The following PIN4 variants were observed in gnomAD, a reference collection of about 807,000 sequenced individuals.
PIN4 encodes peptidylprolyl cis/trans isomerase, NIMA-interacting 4, also known as peptidyl-prolyl cis-trans isomerase NIMA-interacting 4.
In PIN4, 3 loss-of-function variants were observed where a neutral mutation model predicts 8.3. The observed-to-expected ratio is 0.36, with a 90% CI of 0.16 to 0.93. PIN4 has a LOEUF of 0.93. Among genes scored for constraint, PIN4 ranks in the 40% least tolerant of loss-of-function variants. PIN4 has a pLI of 0.44. For missense variants in PIN4, 75 were observed against 100.6 expected (o/e 0.75, Z 1.09); for synonymous variants, 18 against 32.5 (o/e 0.55, Z 1.52).
intron 3 of PIN4, among the ~76,000 whole-genome samples, chrX:72,249,840 A>G (rs996107237): frequency 2.7e-5 from 3 of 111,490 alleles, no homozygotes; most frequent in Non-Finnish European, 5.6e-5. Context: ...AGCACCCACA[A>G]TATCACAATT....
intron 2 of PIN4, among the ~76,000 whole-genome samples, chrX:72,193,368 G>A (rs893430645): frequency 8.2e-5 from 9 of 109,563 alleles, no homozygotes; most frequent in African/African-American, 3.0e-4. Flanking sequence ...CCTTCAGGAG[G>A]TATTCCAGAA....
At chrX:72,251,128 C>T (rs1258066100) in intron 3 of PIN4, among the ~76,000 whole-genome samples, 2 of 104,215 alleles carry the variant, frequency 1.9e-5, no homozygotes, top group Non-Finnish European at 4.0e-5. Flanking sequence ...GAGGCAGAGG[C>T]GGGCGGATCA....
downstream of PIN4, among the ~76,000 whole-genome samples, chrX:72,202,224 ACTT>A (rs1166085344): frequency 8.9e-6 from 1 of 112,501 alleles, no homozygotes. Flanking sequence ...CAGACACCTG[ACTT>A]CTTCTACCCA....
chrX:72,242,596 C>A (rs2043053038), intron 3 of PIN4, among the ~76,000 whole-genome samples: 1 of 112,709 alleles, frequency 8.9e-6, no homozygotes, highest in Non-Finnish European at 1.9e-5. Context: ...ACTACTATAT[C>A]CCTCTTATGT....
At chrX:72,229,382 C>G (rs1232398353) in intron 3 of PIN4, among the ~76,000 whole-genome samples, 2 of 111,726 alleles carry the variant, frequency 1.8e-5, no homozygotes, top group Non-Finnish European at 3.8e-5. Flanking sequence ...TGCCTGGTGC[C>G]CACCTTTTTC....
At chrX:72,245,560 G>T (rs765523766) in intron 3 of PIN4, among the ~76,000 whole-genome samples, 1 of 111,456 alleles carries the variant, frequency 9.0e-6, no homozygotes, top group Non-Finnish European at 1.9e-5. Flanking sequence ...TGGGATTTGG[G>T]GGTAGGGGAT....
At position 72,206,756 on chromosome X, in the gene PIN4, T is replaced by G. The variant is rs372955235; in HGVS notation, c.312+9852T>G. 2.8e-5 allele frequency: 34 copies of G among 1,209,445 alleles called. No homozygotes were observed. The highest frequency in any genetic ancestry group is 3.7e-5 in the Non-Finnish European group (33 of 895,133). ...GTGTACATCAAATCATGGTCTGAGA[T>G]TCCAGCTATCCCCAAAGACTGCAGG... On this transcript the variant is annotated intron_variant, in intron 3 of 3. Coordinates refer to the PIN4 transcript ENST00000423432.
intron 3 of PIN4, chrX:72,205,302 G>A (rs2042810907): frequency 8.3e-7 from 1 of 1,210,485 alleles, no homozygotes; most frequent in Admixed American, 2.2e-5. Context: ...AGCTGGACTT[G>A]TTTTCTGAAG....
chrX:72,242,407 G>T (rs1014121037), intron 3 of PIN4, among the ~76,000 whole-genome samples: 3 of 111,500 alleles, frequency 2.7e-5, no homozygotes, highest in Non-Finnish European at 1.9e-5. Context: ...CCTTCTTGGT[G>T]CCTTCTGGAG....
chrX:72,221,790 C>T (rs763893637), intron 3 of PIN4, among the ~76,000 whole-genome samples: 23 of 110,194 alleles, frequency 2.1e-4, no homozygotes, highest in Non-Finnish European at 4.4e-4. Context: ...TCCCAACCCT[C>T]CCTATGTCAA....
intron 3 of PIN4, among the ~76,000 whole-genome samples, chrX:72,248,815 T>G (rs112642758): frequency 9.1e-6 from 1 of 110,012 alleles, no homozygotes; most frequent in East Asian, 2.8e-4. Context: ...AGGCAGAGGT[T>G]GCAGTGAACT....
At chrX:72,258,281 G>A (rs1434717579) in intron 3 of PIN4, among the ~76,000 whole-genome samples, 2 of 111,875 alleles carry the variant, frequency 1.8e-5, no homozygotes, top group Non-Finnish European at 3.8e-5. Flanking sequence ...CTGAGTTACC[G>A]GATGAAGCAG....
upstream of PIN4, chrX:72,181,712 T>A: frequency 9.5e-7 from 1 of 1,051,030 alleles, no homozygotes; most frequent in South Asian, 1.8e-5. Flanking sequence ...GTTTAGGACA[T>A]GCCCATGGCG....
chrX:72,258,585 C>T (rs2043123491), intron 3 of PIN4, among the ~76,000 whole-genome samples: 1 of 111,534 alleles, frequency 9.0e-6, no homozygotes, highest in South Asian at 3.8e-4. Flanking sequence ...TGAGGAAACC[C>T]TACCCCCACC....
At chrX:72,213,388 G>A (rs1355985762) in intron 3 of PIN4, among the ~76,000 whole-genome samples, 1 of 111,655 alleles carries the variant, frequency 9.0e-6, no homozygotes, top group Non-Finnish European at 1.9e-5. Context: ...GAAAATGATC[G>A]GGATATAAAT....
intron 3 of PIN4, chrX:72,206,922 A>C (rs1441825476): frequency 8.3e-7 from 1 of 1,211,185 alleles, no homozygotes; most frequent in South Asian, 1.8e-5. Context: ...AATATCGGAA[A>C]GGGTTCTTTT....
chrX:72,218,855 G>T (rs1161203801), intron 3 of PIN4, among the ~76,000 whole-genome samples: 1 of 112,251 alleles, frequency 8.9e-6, no homozygotes, highest in Non-Finnish European at 1.9e-5. Context: ...TTTTATTTAG[G>T]CCTTCTTAAA....
chrX:72,261,049 AC>A (rs1474233134), intron 3 of PIN4, among the ~76,000 whole-genome samples: 25 of 111,357 alleles, frequency 2.2e-4, no homozygotes, highest in Non-Finnish European at 3.8e-4. Context: ...TGTAATCCCA[AC>A]ACTTTGGGAG....
At chrX:72,255,072 G>A (rs191680795) in intron 3 of PIN4, among the ~76,000 whole-genome samples, 1 of 108,730 alleles carries the variant, frequency 9.2e-6, no homozygotes, top group Non-Finnish European at 1.9e-5. Flanking sequence ...GGGAGGAGTC[G>A]GGGTGGCGGC....
Sources: gnomAD v4.1 joint callset for allele counts (sites outside exome capture counted in the v4.1 genomes callset) on GRCh38, gnomAD v4.1.1 for gene constraint, MANE v1.5 for transcripts, NCBI Gene and HGNC (gene_info 2026-07-23, HGNC 2026-07-21) for gene names.